The following ITGAE variants were observed in gnomAD, a reference collection of about 807,000 sequenced individuals.
ITGAE encodes integrin subunit alpha E, also known as integrin alpha-E.
A neutral mutation model predicts 136.5 loss-of-function variants in ITGAE; 99 were observed. The observed-to-expected ratio is 0.73, with a 90% confidence interval of 0.62 to 0.86. The LOEUF (loss-of-function observed/expected upper bound fraction) is 0.86, where lower values mean the gene tolerates loss of function less well. Among genes scored for constraint, ITGAE ranks in the 40% least tolerant of loss-of-function variants. The pLI, the probability that ITGAE is intolerant of heterozygous loss-of-function variation, is 0.00. For synonymous variants in ITGAE, 613 were observed against 591.8 expected (o/e 1.04, Z -0.52); for missense variants, 1,447 against 1,515.3 (o/e 0.95, Z 0.75).
intron 28 of ITGAE, 140 bp from the exon 29 acceptor site, chr17:3,720,542 A>T (rs2051028519): frequency 1.9e-6 from 1 of 524,652 alleles, no homozygotes; most frequent in Non-Finnish European, 3.4e-6. Context: ...AACACTACAT[A>T]AAGTTACCCA....
intron 1 of ITGAE, among the ~76,000 whole-genome samples, chr17:3,795,120 G>GC (rs1485212660): frequency 6.6e-6 from 1 of 152,140 alleles, no homozygotes; most frequent in African/African-American, 2.4e-5. Flanking sequence ...GGGTCCCTGA[G>GC]CCCCCTCAGC....
intron 1 of ITGAE, among the ~76,000 whole-genome samples, chr17:3,800,679 A>G (rs376584332): frequency 6.6e-6 from 1 of 152,272 alleles, no homozygotes; most frequent in East Asian, 1.9e-4. Flanking sequence ...TCTCTGGTCA[A>G]CACTCTCTCA....
chr17:3,782,718 T>A (rs1178377440), intron 1 of ITGAE, among the ~76,000 whole-genome samples: 1 of 152,178 alleles, frequency 6.6e-6, no homozygotes, highest in African/African-American at 2.4e-5. Context: ...ACTTACCTGT[T>A]CAATTACTGT....
chr17:3,732,755 C>T lies in ITGAE; in HGVS notation c.2656-289G>A, dbSNP rs192868594. ...ATATGAATTCCAACTCGGAGGAATT[C>T]GTAAGGTCTTCCTGGGGAAGGAGGC... On this transcript the variant is annotated intron_variant, in intron 21 of 30. Transcript: ENST00000263087. Among the ~76,000 whole-genome samples, 105 of 152,202 alleles carry T rather than the reference C, an allele frequency of 6.9e-4. 1 individual carries two copies. The highest frequency in any genetic ancestry group is 1.2e-3 in the East Asian group (6 of 5,168).
rs1363033859 is a variant in ITGAE, at chr17:3,761,077, C to G, written c.534G>C (p.Arg178=). The G allele has an allele frequency of 6.2e-7, 1 of 1,611,336 alleles. No individual in the cohort carries two copies. Among genetic ancestry groups the G allele is most frequent in the East Asian group, 2.2e-5 (1 of 44,874 alleles). ...CTTCCTCCTCCTCCTTCTCCAGAGC[C>G]CGGCGCTGCCTGGCTGTGTTCACAT... ...EDDVNTARQR[R]ALEKEEEEDK... Residue 178 remains arginine (R), a synonymous_variant, in exon 6 of 31, where the codon CGG becomes CGC. Transcript: ENST00000263087.
intron 2 of ITGAE, among the ~76,000 whole-genome samples, chr17:3,773,068 G>A (rs1476116638): frequency 6.6e-6 from 1 of 152,166 alleles, no homozygotes; most frequent in African/African-American, 2.4e-5. Context: ...ACCAGCCGCC[G>A]GTTATTTCAC....
At chr17:3,777,683 T>C in intron 1 of ITGAE, 23 bp from the exon 2 acceptor site, 1 of 1,592,204 alleles carries the variant, frequency 6.3e-7, no homozygotes, top group Non-Finnish European at 8.6e-7. Context: ...GAGGAGCGTT[T>C]AATGAAAGAG....
intron 2 of ITGAE, among the ~76,000 whole-genome samples, chr17:3,769,613 C>T (rs1032536237): frequency 2.2e-4 from 33 of 152,366 alleles, no homozygotes; most frequent in Non-Finnish European, 4.1e-4. Flanking sequence ...CCCTGTTACA[C>T]CCTGAGCTGG....
intron 5 of ITGAE, 32 bp downstream of exon 5, chr17:3,761,371 C>G: frequency 1.3e-6 from 2 of 1,586,458 alleles, no homozygotes; most frequent in Non-Finnish European, 8.6e-7. Context: ...CTCTTTAGAG[C>G]TATCCAAGGC....
At chr17:3,793,040 T>C (rs1161018175) in intron 1 of ITGAE, among the ~76,000 whole-genome samples, 1 of 152,094 alleles carries the variant, frequency 6.6e-6, no homozygotes, top group African/African-American at 2.4e-5. Flanking sequence ...TGGATCCCTT[T>C]GAGAATCTTT....
intron 1 of ITGAE, among the ~76,000 whole-genome samples, chr17:3,792,185 G>A (rs748074560): frequency 6.6e-6 from 1 of 152,086 alleles, no homozygotes; most frequent in South Asian, 2.1e-4. Context: ...GCAGTGGCGC[G>A]ATCTCGGCTC....
chr17:3,763,885 G>T lies in ITGAE; in HGVS notation c.231C>A (p.Ile77=). 1 of 1,613,794 alleles carries T rather than the reference G, an allele frequency of 6.2e-7. No individual in the cohort carries two copies. The highest frequency in any genetic ancestry group is 1.1e-5 in the South Asian group (1 of 91,078). The part of the protein sequence containing the change: ...LHRCSLVQDE[I]LCHPVEHVPI... ...CTGACTTACCTACAGGATGGCAAAG[G>T]ATTTCATCCTGGACAAGGGAACATC... Residue 77 remains isoleucine (I), a synonymous_variant, in exon 3 of 31, where the codon ATC becomes ATA. Coordinates refer to ENST00000263087, the MANE Select transcript of ITGAE (RefSeq NM_002208.5).
intron 1 of ITGAE, among the ~76,000 whole-genome samples, chr17:3,778,033 C>G (rs1284580835): frequency 1.3e-5 from 2 of 152,090 alleles, no homozygotes; most frequent in Non-Finnish European, 2.9e-5. Context: ...GGAAGAGGGC[C>G]TGTGTATGTT....
chr17:3,755,396 GC>G, intron 11 of ITGAE, 135 bp from the exon 12 acceptor site: 2 of 1,040,816 alleles, frequency 1.9e-6, no homozygotes, highest in Non-Finnish European at 2.7e-6. Flanking sequence ...TGCCCGCCTG[GC>G]CAGAGATGCA....
intron 16 of ITGAE, among the ~76,000 whole-genome samples, chr17:3,748,722 G>T (rs767150146): frequency 2.0e-5 from 3 of 152,220 alleles, no homozygotes; most frequent in Non-Finnish European, 4.4e-5. Context: ...AGGATCTGGG[G>T]AAGAGCACTC....
chr17:3,757,664 C>T (rs1410847800), intron 9 of ITGAE, 42 bp downstream of exon 9: 1 of 1,605,234 alleles, frequency 6.2e-7, no homozygotes, highest in African/African-American at 1.3e-5. Flanking sequence ...CCACCCCAGG[C>T]TGTGCAGGTT....
chr17:3,723,707 C>CA lies in ITGAE; in HGVS notation c.3121dup (p.Cys1041LeufsTer23). 6.2e-7 allele frequency: 1 copy of CA among 1,603,282 alleles called. No homozygotes were observed. On this transcript the variant is annotated frameshift_variant, in exon 27 of 31. Transcript: ENST00000263087. LOFTEE classifies it high-confidence loss of function. ...GCTTACCTGAACCGAACTGTACGCA[C>CA]AAGCGCGCTCCTGACTCCAGGTGCA... is the stretch of plus-strand genomic sequence containing the variant.
intron 1 of ITGAE, among the ~76,000 whole-genome samples, chr17:3,783,735 C>T (rs1218548148): frequency 6.6e-6 from 1 of 151,988 alleles, no homozygotes; most frequent in Admixed American, 6.6e-5. Flanking sequence ...ACATGAAGGA[C>T]AAGTGTATAA....
intron 2 of ITGAE, 52 bp downstream of exon 2, chr17:3,777,488 T>G: frequency 1.3e-6 from 2 of 1,552,900 alleles, no homozygotes; most frequent in South Asian, 2.3e-5. Flanking sequence ...CCATCTCAGA[T>G]TGCCTGGAAG....
Sources: gnomAD v4.1 joint callset for allele counts (sites outside exome capture counted in the v4.1 genomes callset) on GRCh38, gnomAD v4.1.1 for gene constraint, MANE v1.5 for transcripts, NCBI Gene and HGNC (gene_info 2026-07-23, HGNC 2026-07-21) for gene names.